IL3RA: variants seen among roughly 807,000 people sequenced by gnomAD.
IL3RA encodes the protein interleukin 3 receptor subunit alpha.
Under a neutral mutation model 52.3 loss-of-function variants are expected in IL3RA, and 73 were observed. That is an observed-to-expected ratio of 1.40 (90% CI 1.16 to 1.70). The LOEUF (loss-of-function observed/expected upper bound fraction) is 1.70. IL3RA is among the 40% of genes most tolerant of loss of function. IL3RA has a pLI of 0.00. For missense variants in IL3RA, 664 were observed against 504.4 expected, an observed-to-expected ratio of 1.32 and a Z score of -3.03; for synonymous variants, 260 against 194.0, an observed-to-expected ratio of 1.34 and a Z score of -2.83.
chrX:1,362,277 T>C, intron 8 of IL3RA, among the ~76,000 whole-genome samples: 1 of 151,682 alleles, frequency 6.6e-6, no homozygotes, highest in South Asian at 2.1e-4. Context: ...TCTCTTTTTC[T>C]CTTTCCCTCT....
intron 2 of IL3RA, among the ~76,000 whole-genome samples, chrX:1,344,978 C>T (rs1273777911): frequency 4.5e-4 from 63 of 141,056 alleles, no homozygotes; most frequent in Middle Eastern, 4.0e-3. Context: ...CTGGCTAACA[C>T]GGTGAAACGC....
At chrX:1,367,482 C>A (rs1355067104) in intron 9 of IL3RA, among the ~76,000 whole-genome samples, 4 of 52,476 alleles carry the variant, frequency 7.6e-5, no homozygotes, top group Non-Finnish European at 9.9e-5. Flanking sequence ...GAGCGGGGTG[C>A]GCGGGGTGAG....
At chrX:1,349,340 C>T (rs1330399536) in intron 4 of IL3RA, among the ~76,000 whole-genome samples, 2 of 151,896 alleles carry the variant, frequency 1.3e-5, no homozygotes, top group Non-Finnish European at 2.9e-5. Context: ...CACCGCCACG[C>T]CCAGCTAATT....
intron 4 of IL3RA, 101 bp downstream of exon 4, chrX:1,348,646 C>CTTTG: frequency 7.1e-6 from 2 of 282,064 alleles, no homozygotes; most frequent in Non-Finnish European, 1.2e-5. Context: ...TTCTTTTTCT[C>CTTTG]TTTCTTTCTT....
chrX:1,348,626 C>CTT (rs1163307070), intron 4 of IL3RA, 81 bp downstream of exon 4: 5 of 852,976 alleles, frequency 5.9e-6, no homozygotes, highest in South Asian at 1.6e-5. Flanking sequence ...TTCGCTGTGT[C>CTT]TTTTTTCTTT....
Position 1,382,492 on chromosome X carries a change from C to G in IL3RA, c.*27C>G. 1 of 1,606,002 alleles carries G rather than the reference C, an allele frequency of 6.2e-7. No individual in the cohort carries two copies. Among genetic ancestry groups the G allele is most frequent in the Non-Finnish European group, 8.5e-7 (1 of 1,172,868 alleles). On this transcript the variant is annotated 3_prime_UTR_variant, in exon 12 of 12. Transcript: ENST00000331035. Reference sequence around the variant, plus strand: ...ACTGGGGTTCAGGGCTTGTGGGGGTCTGCCTCAATCTCCCTGGCCGGGCCA... The same window carrying G: ...ACTGGGGTTCAGGGCTTGTGGGGGTGTGCCTCAATCTCCCTGGCCGGGCCA...
intron 9 of IL3RA, among the ~76,000 whole-genome samples, chrX:1,377,442 C>A (rs1382295440): frequency 1.3e-5 from 2 of 151,946 alleles, no homozygotes; most frequent in Non-Finnish European, 2.9e-5. Flanking sequence ...GCTTTCTGGC[C>A]ATGTTGGCCA....
intron 11 of IL3RA, among the ~76,000 whole-genome samples, chrX:1,381,824 G>A (rs2089190795): frequency 6.6e-6 from 1 of 151,584 alleles, no homozygotes; most frequent in Admixed American, 6.6e-5. Context: ...TTACAGGCAT[G>A]AGCCACCATG....
In IL3RA at chrX:1,356,339, A is replaced by G; in HGVS notation, c.732+3A>G. On this transcript the variant is annotated splice_donor_region_variant and intron_variant, in intron 7 of 11. Transcript: ENST00000331035. ...GCTATGAGCTTCAGATACAAAAGGT[A>G]AACTTTCACCCCGCCCCCAGCCCCC... is the stretch of plus-strand genomic sequence containing the variant. 2 of 1,597,006 alleles carry G rather than the reference A, an allele frequency of 1.3e-6. No individual in the cohort carries two copies. The highest frequency in any genetic ancestry group is 1.7e-6 in the Non-Finnish European group (2 of 1,164,868).
At chrX:1,357,493 G>A (rs1400343323) in intron 7 of IL3RA, among the ~76,000 whole-genome samples, 1 of 151,502 alleles carries the variant, frequency 6.6e-6, no homozygotes, top group Admixed American at 6.6e-5. Flanking sequence ...CTGAGTAGCT[G>A]GAATTACAGG....
intron 8 of IL3RA, among the ~76,000 whole-genome samples, chrX:1,362,869 A>G (rs1469112690): frequency 7.2e-5 from 11 of 151,778 alleles, no homozygotes; most frequent in Admixed American, 4.6e-4. Context: ...TCCGCCTCCC[A>G]GGTTCAAGCG....
intron 6 of IL3RA, among the ~76,000 whole-genome samples, chrX:1,354,407 G>T (rs1295282191): frequency 6.6e-6 from 1 of 150,812 alleles, no homozygotes; most frequent in Non-Finnish European, 1.5e-5. Context: ...CAGGGTGCTC[G>T]GATGCTTCAG....
intron 8 of IL3RA, among the ~76,000 whole-genome samples, chrX:1,364,348 G>C (rs1265874606): frequency 6.6e-6 from 1 of 151,396 alleles, no homozygotes; most frequent in Admixed American, 6.6e-5. Flanking sequence ...AAAATTAACC[G>C]AGCGTGGTGG....
chrX:1,350,397 C>T (rs2086029666), intron 4 of IL3RA, among the ~76,000 whole-genome samples: 2 of 151,930 alleles, frequency 1.3e-5, no homozygotes, highest in Admixed American at 1.3e-4. Context: ...CGAGACCAGC[C>T]TGGCTAACAT....
intron 3 of IL3RA, among the ~76,000 whole-genome samples, chrX:1,347,479 A>G (rs181707485): frequency 1.6e-3 from 244 of 151,520 alleles, no homozygotes; most frequent in Non-Finnish European, 3.0e-3. Flanking sequence ...AAAACGAAGA[A>G]TATACAAGTA....
At chrX:1,362,390 TGTTTC>T (rs1459583874) in intron 8 of IL3RA, among the ~76,000 whole-genome samples, 2 of 151,790 alleles carry the variant, frequency 1.3e-5, no homozygotes, top group African/African-American at 4.8e-5. Context: ...TGTCTCTGTC[TGTTTC>T]TGTTTTTCTT....
intron 6 of IL3RA, among the ~76,000 whole-genome samples, chrX:1,353,818 C>T (rs868207482): frequency 2.2e-4 from 24 of 106,732 alleles, no homozygotes; most frequent in African/African-American, 8.0e-4. Context: ...CCCCCCATCA[C>T]GGGTTCCATC....
intron 3 of IL3RA, among the ~76,000 whole-genome samples, chrX:1,347,474 G>A (rs747679988): frequency 6.6e-5 from 10 of 151,358 alleles, no homozygotes; most frequent in Non-Finnish European, 1.5e-4. Context: ...CAAACAAAAC[G>A]AAGAATATAC....
At chrX:1,381,270 C>T (rs769171748) in intron 11 of IL3RA, among the ~76,000 whole-genome samples, 166 bp downstream of exon 11, 3 of 152,182 alleles carry the variant, frequency 2.0e-5, no homozygotes, top group East Asian at 1.9e-4. Flanking sequence ...TGGTGGCGGG[C>T]GCCTGTAATC....
Sources: allele counts gnomAD v4.1 joint callset (sites outside exome capture counted in the v4.1 genomes callset), GRCh38; gene constraint gnomAD v4.1.1; transcripts MANE v1.5; gene names NCBI Gene and HGNC (gene_info 2026-07-23, HGNC 2026-07-21).